The following ARHGAP32 variants were observed in gnomAD, a reference collection of about 807,000 sequenced individuals.
ARHGAP32 encodes Rho GTPase activating protein 32.
ARHGAP32 carries 51 observed loss-of-function variants against 186.5 expected under a neutral mutation model. The ratio of observed to expected loss-of-function variants is 0.27; its 90% CI spans 0.22 to 0.35. The LOEUF (loss-of-function observed/expected upper bound fraction) is 0.35, where lower values mean the gene tolerates loss of function less well. ARHGAP32 is among the 10% of genes least tolerant of loss of function. The pLI, the probability that ARHGAP32 is intolerant of heterozygous loss-of-function variation, is 1.00. For missense variants in ARHGAP32, 2,186 were observed against 2,623.5 expected (o/e 0.83, Z 3.64); for synonymous variants, 950 against 964.3 (o/e 0.99, Z 0.27).
chr11:129,210,230 C>T (rs568828801), intron 1 of ARHGAP32, among the ~76,000 whole-genome samples: 2 of 152,342 alleles, frequency 1.3e-5, no homozygotes, highest in South Asian at 4.1e-4. Context: ...GGATTTCATA[C>T]ATTTGACTAT....
chr11:129,011,093 C>A (rs1938053730), intron 11 of ARHGAP32, among the ~76,000 whole-genome samples: 3 of 152,142 alleles, frequency 2.0e-5, no homozygotes. Flanking sequence ...TGTCACAGAG[C>A]TTACTGATGG....
chr11:129,003,626 T>C (rs1279336673), intron 11 of ARHGAP32, among the ~76,000 whole-genome samples: 1 of 152,190 alleles, frequency 6.6e-6, no homozygotes, highest in Non-Finnish European at 1.5e-5. Flanking sequence ...TGAACATGTC[T>C]AGGAGTTTAT....
intron 2 of ARHGAP32, among the ~76,000 whole-genome samples, chr11:129,163,708 A>G (rs1413564753): frequency 2.0e-5 from 3 of 152,086 alleles, no homozygotes; most frequent in Non-Finnish European, 4.4e-5. Flanking sequence ...CCTCCTACTC[A>G]CAGTAACCTG....
chr11:129,117,352 C>A (rs1235146262), intron 5 of ARHGAP32, among the ~76,000 whole-genome samples: 1 of 151,988 alleles, frequency 6.6e-6, no homozygotes, highest in Admixed American at 6.6e-5. Flanking sequence ...CTGGCTCAGA[C>A]AAAACATTCA....
At chr11:129,170,283 G>A (rs996404158) in intron 1 of ARHGAP32, among the ~76,000 whole-genome samples, 1 of 150,628 alleles carries the variant, frequency 6.6e-6, no homozygotes, top group African/African-American at 2.4e-5. Flanking sequence ...TGCCATGGTG[G>A]TTTGTGGCAT....
Position 129,262,064 on chromosome 11 carries a change from G to C in ARHGAP32, c.-5+17082C>G, listed in dbSNP as rs573172347. The stretch of plus-strand genomic sequence containing the variant: ...AACACACAAATTAAGAGAAAATACG[G>C]AAACCTGACAAAATGTTCACGAACA... On this transcript the variant is annotated intron_variant, in intron 1 of 6. Transcript: ENST00000525234. Among the ~76,000 whole-genome samples the C allele has an allele frequency of 5.1e-4, 78 of 152,134 alleles. 1 individual carries two copies. The highest frequency in any genetic ancestry group is 1.7e-3 in the African/African-American group (71 of 41,524).
chr11:129,087,156 G>C (rs1941433269), intron 6 of ARHGAP32, among the ~76,000 whole-genome samples: 1 of 152,180 alleles, frequency 6.6e-6, no homozygotes, highest in African/African-American at 2.4e-5. Flanking sequence ...ATGCAAAATG[G>C]CACAGTCACT....
At chr11:129,038,512 C>T (rs1939449040) in intron 11 of ARHGAP32, among the ~76,000 whole-genome samples, 1 of 151,776 alleles carries the variant, frequency 6.6e-6, no homozygotes, top group Admixed American at 6.6e-5. Context: ...AAGTCAAAGA[C>T]AAACCACAAA....
chr11:128,985,714 A>G (rs1945843171), intron 15 of ARHGAP32, among the ~76,000 whole-genome samples: 5 of 151,954 alleles, frequency 3.3e-5, no homozygotes, highest in Admixed American at 3.3e-4. Flanking sequence ...ACCTTTAAGT[A>G]CCTATGGAAT....
chr11:129,134,777 A>G (rs1942898502), intron 2 of ARHGAP32, among the ~76,000 whole-genome samples: 1 of 152,150 alleles, frequency 6.6e-6, no homozygotes, highest in Non-Finnish European at 1.5e-5. Context: ...CATGAATGGA[A>G]TTAGTGCCCT....
intron 1 of ARHGAP32, among the ~76,000 whole-genome samples, chr11:129,190,653 G>GT (rs1944252256): frequency 6.6e-6 from 1 of 152,146 alleles, no homozygotes; most frequent in Admixed American, 6.5e-5. Context: ...TACCAAATCT[G>GT]TTATAAAAAC....
At chr11:129,060,966 CCGAGA>C (rs1940479247) in intron 10 of ARHGAP32, among the ~76,000 whole-genome samples, 1 of 151,696 alleles carries the variant, frequency 6.6e-6, no homozygotes, top group Non-Finnish European at 1.5e-5. Flanking sequence ...AACAATTTGC[CCGAGA>C]CAACACAGGA....
chr11:129,113,081 C>T (rs1248911803), intron 5 of ARHGAP32, among the ~76,000 whole-genome samples: 1 of 152,116 alleles, frequency 6.6e-6, no homozygotes, highest in Admixed American at 6.6e-5. Context: ...AATGTCATGA[C>T]TTTTCTCTGC....
At position 128,975,013 on chromosome 11, in the gene ARHGAP32, T is replaced by A. The variant is rs547868199; in HGVS notation, c.2195-11A>T. 1 of 1,588,344 alleles carries A rather than the reference T, an allele frequency of 6.3e-7. No individual in the cohort carries two copies. Among genetic ancestry groups the A allele is most frequent in the African/African-American group, 1.3e-5 (1 of 74,218 alleles). Reference sequence around the variant, plus strand: ...AGAGCTTAGAATCACCTGGAAAAAATGAATAACAGTGTCAAAGTAAGAACA... The same window carrying A: ...AGAGCTTAGAATCACCTGGAAAAAAAGAATAACAGTGTCAAAGTAAGAACA... On this transcript the variant is annotated splice_polypyrimidine_tract_variant and intron_variant, in intron 20 of 22. Transcript: ENST00000682385.
At chr11:128,992,438 CCACCACCACCAA>C (rs1196671265) in intron 12 of ARHGAP32, among the ~76,000 whole-genome samples, 1 of 151,762 alleles carries the variant, frequency 6.6e-6, no homozygotes, top group East Asian at 1.9e-4. Context: ...ACCACCACCA[CCACCACCACCAA>C]CAACAACACA....
chr11:129,096,185 G>T (rs1189737963), intron 5 of ARHGAP32, among the ~76,000 whole-genome samples: 1 of 152,114 alleles, frequency 6.6e-6, no homozygotes, highest in Admixed American at 6.5e-5. Flanking sequence ...AGAGGCAAGG[G>T]TAAAATAAAG....
chr11:129,269,868 A>C (rs1484193177), intron 1 of ARHGAP32, among the ~76,000 whole-genome samples: 2 of 152,178 alleles, frequency 1.3e-5, no homozygotes, highest in Non-Finnish European at 2.9e-5. Context: ...ACAACACCAA[A>C]TGTGGACAAG....
chr11:129,033,152 T>C (rs1392794430), intron 11 of ARHGAP32, among the ~76,000 whole-genome samples: 2 of 152,254 alleles, frequency 1.3e-5, no homozygotes, highest in Non-Finnish European at 2.9e-5. Context: ...ATTTACTGTA[T>C]ATATCTTCAT....
At chr11:129,112,236 C>T (rs76265022) in intron 5 of ARHGAP32, among the ~76,000 whole-genome samples, 2 of 140,248 alleles carry the variant, frequency 1.4e-5, no homozygotes, top group South Asian at 4.4e-4. Context: ...GAGCAAGACT[C>T]AAAAAAAAAA....
Sources: allele counts gnomAD v4.1 joint callset (sites outside exome capture counted in the v4.1 genomes callset), GRCh38; gene constraint gnomAD v4.1.1; transcripts MANE v1.5; gene names NCBI Gene and HGNC (gene_info 2026-07-23, HGNC 2026-07-21).